The following ASTN2 variants were observed in gnomAD, a reference collection of about 807,000 sequenced individuals.
ASTN2 encodes the protein astrotactin-2.
Under a neutral mutation model 139.8 loss-of-function variants are expected in ASTN2, and 54 were observed. The observed-to-expected ratio is 0.39, with a 90% CI of 0.31 to 0.48. The LOEUF (loss-of-function observed/expected upper bound fraction) is 0.48, where lower values mean the gene tolerates loss of function less well. Ranked by LOEUF, ASTN2 falls within the 20% of genes least tolerant of loss-of-function variation. The pLI is 0.95. For synonymous variants in ASTN2, 756 were observed against 719.5 expected, an observed-to-expected ratio of 1.05 and a Z score of -0.81; for missense variants, 1,565 against 1,725.1, an observed-to-expected ratio of 0.91 and a Z score of 1.64.
At chr9:116,732,538 C>T (rs546375768) in intron 14 of ASTN2, among the ~76,000 whole-genome samples, 17 of 152,310 alleles carry the variant, frequency 1.1e-4, no homozygotes, top group Non-Finnish European at 1.9e-4. Flanking sequence ...ACGATTCCCC[C>T]GTGACTATTC....
At chr9:116,795,717 A>G (rs1830671901) in intron 13 of ASTN2, among the ~76,000 whole-genome samples, 1 of 152,198 alleles carries the variant, frequency 6.6e-6, no homozygotes, top group Non-Finnish European at 1.5e-5. Context: ...ACCCATCTTC[A>G]TCTGCTGTAT....
chr9:116,795,535 C>A (rs1830667037), intron 13 of ASTN2, among the ~76,000 whole-genome samples: 1 of 152,206 alleles, frequency 6.6e-6, no homozygotes, highest in Admixed American at 6.6e-5. Flanking sequence ...GCTAGCTGAG[C>A]TGTCCACTTC....
chr9:117,413,043 C>T (rs1161961759), intron 1 of ASTN2, among the ~76,000 whole-genome samples: 1 of 152,226 alleles, frequency 6.6e-6, no homozygotes, highest in African/African-American at 2.4e-5. Flanking sequence ...GCTGCCTCTC[C>T]TCCCGGAACG....
In ASTN2 at chr9:116,772,784, G is replaced by T. The variant is rs184930990; in HGVS notation, c.2396+32848C>A. Among the ~76,000 whole-genome samples, 463 of 152,244 alleles carry T rather than the reference G, an allele frequency of 3.0e-3. 1 individual carries two copies. The highest frequency in any genetic ancestry group is 6.8e-3 in the Middle Eastern group (2 of 294). Reference sequence around the variant, plus strand: ...TAATTTGGGCCAGCAGTCTCATCTTGGCTGCAGTCATCAGGACCTGATTCC... The same window carrying T: ...TAATTTGGGCCAGCAGTCTCATCTTTGCTGCAGTCATCAGGACCTGATTCC... On this transcript the variant is annotated intron_variant, in intron 13 of 22. Coordinates refer to ENST00000313400, the MANE Select transcript of ASTN2 (RefSeq NM_001365068.1).
intron 17 of ASTN2, among the ~76,000 whole-genome samples, chr9:116,628,473 C>T (rs1856570769): frequency 6.6e-6 from 1 of 152,104 alleles, no homozygotes; most frequent in Admixed American, 6.6e-5. Context: ...TTCCCCATCC[C>T]CTTTAGAACT....
chr9:117,288,441 T>C (rs1321151212), intron 2 of ASTN2, among the ~76,000 whole-genome samples: 3 of 152,102 alleles, frequency 2.0e-5, no homozygotes, highest in Non-Finnish European at 4.4e-5. Context: ...ACTAGAAGAT[T>C]TGGGTCTTCT....
chr9:116,957,156 T>C (rs553746892), intron 10 of ASTN2, among the ~76,000 whole-genome samples: 1 of 152,074 alleles, frequency 6.6e-6, no homozygotes, highest in African/African-American at 2.4e-5. Context: ...TACTCGCATG[T>C]CCCAATTTTT....
chr9:116,863,513 G>T, intron 11 of ASTN2, 70 bp downstream of exon 11: 1 of 1,568,694 alleles, frequency 6.4e-7, no homozygotes, highest in South Asian at 1.2e-5. Context: ...TTCCCTCGCA[G>T]GGCAGGGCTT....
At chr9:116,609,407 A>ATATATATATATATATG (rs1441433794) in intron 19 of ASTN2, among the ~76,000 whole-genome samples, 1 of 140,036 alleles carries the variant, frequency 7.1e-6, no homozygotes, top group Non-Finnish European at 1.5e-5. Flanking sequence ...ATATATATAT[A>ATATATATATATATATG]TGAACAAAGA....
intron 2 of ASTN2, among the ~76,000 whole-genome samples, chr9:117,271,713 C>A (rs1001241640): frequency 6.6e-6 from 1 of 152,176 alleles, no homozygotes; most frequent in South Asian, 2.1e-4. Context: ...AGGGCCTATG[C>A]AAGTCTGAAA....
At chr9:116,577,266 T>C (rs1011483971) in intron 19 of ASTN2, among the ~76,000 whole-genome samples, 2 of 152,332 alleles carry the variant, frequency 1.3e-5, no homozygotes, top group South Asian at 2.1e-4. Context: ...CGGTGGCTCA[T>C]GCCTGTAACC....
chr9:116,516,129 A>C (rs546054863), intron 19 of ASTN2, among the ~76,000 whole-genome samples: 71 of 152,330 alleles, frequency 4.7e-4, no homozygotes, highest in African/African-American at 1.6e-3. Context: ...ATACAACTAC[A>C]TCTAGAAGTC....
intron 19 of ASTN2, among the ~76,000 whole-genome samples, chr9:116,515,567 C>T (rs1226915420): frequency 6.6e-6 from 1 of 152,188 alleles, no homozygotes; most frequent in Non-Finnish European, 1.5e-5. Flanking sequence ...TACTGAGACT[C>T]AGAGCTGGGT....
chr9:116,636,925 A>T (rs1339307462), intron 17 of ASTN2, among the ~76,000 whole-genome samples: 1 of 152,152 alleles, frequency 6.6e-6, no homozygotes, highest in East Asian at 1.9e-4. Context: ...AAAGGGCTCA[A>T]GGTTAAAGCA....
chr9:116,764,895 C>T (rs1334401371), intron 13 of ASTN2, among the ~76,000 whole-genome samples: 1 of 152,172 alleles, frequency 6.6e-6, no homozygotes, highest in African/African-American at 2.4e-5. Context: ...ATGCAGACAT[C>T]AGTCTAATCC....
chr9:116,460,524 A>G (rs543084172), intron 20 of ASTN2, among the ~76,000 whole-genome samples: 2 of 152,240 alleles, frequency 1.3e-5, no homozygotes, highest in East Asian at 3.9e-4. Flanking sequence ...AGTTTGAGCA[A>G]CATCTCCCAC....
At chr9:116,626,423 T>C (rs1351690999) in intron 17 of ASTN2, among the ~76,000 whole-genome samples, 1 of 152,066 alleles carries the variant, frequency 6.6e-6, no homozygotes, top group Admixed American at 6.5e-5. Context: ...AAATATGTTT[T>C]AAATATAAAA....
chr9:116,463,774 C>T (rs895933540), intron 20 of ASTN2, among the ~76,000 whole-genome samples: 1 of 152,160 alleles, frequency 6.6e-6, no homozygotes, highest in African/African-American at 2.4e-5. Flanking sequence ...GCTGTGAGCT[C>T]CTGAAAGGCC....
chr9:116,839,021 GGTAA>G (rs1370119425), intron 11 of ASTN2, among the ~76,000 whole-genome samples: 1 of 152,142 alleles, frequency 6.6e-6, no homozygotes, highest in Non-Finnish European at 1.5e-5. Context: ...CCAAGGACTA[GGTAA>G]GTATTTGATT....
Sources: allele counts gnomAD v4.1 joint callset (sites outside exome capture counted in the v4.1 genomes callset), GRCh38; gene constraint gnomAD v4.1.1; transcripts MANE v1.5; gene names NCBI Gene and HGNC (gene_info 2026-07-23, HGNC 2026-07-21).